Variants in DNM3 observed in about 807,000 individuals in gnomAD.
DNM3 encodes the protein dynamin 3.
A neutral mutation model predicts 101.6 loss-of-function variants in DNM3; 47 were observed. The observed-to-expected ratio is 0.46, with a 90% confidence interval of 0.37 to 0.59. The LOEUF is 0.59. Ranked by LOEUF, DNM3 falls within the 20% of genes least tolerant of loss-of-function variation. The pLI is 0.00. For synonymous variants in DNM3, 385 were observed against 387.9 expected (o/e 0.99, Z 0.09); for missense variants, 849 against 1,085.7 (o/e 0.78, Z 3.06).
chr1:172,227,930 C>G (rs2061195179), intron 14 of DNM3, among the ~76,000 whole-genome samples: 1 of 152,070 alleles, frequency 6.6e-6, no homozygotes, highest in Non-Finnish European at 1.5e-5. Flanking sequence ...TTGGTTATTA[C>G]TGAAGTTTAG....
At chr1:172,137,624 C>T (rs936586594) in intron 14 of DNM3, 8 of 152,118 alleles carry the variant, frequency 5.3e-5, no homozygotes, top group Non-Finnish European at 1.0e-4. Flanking sequence ...GTTAAGAATA[C>T]ATACATAAAG....
intron 2 of DNM3, among the ~76,000 whole-genome samples, chr1:171,928,594 A>G (rs543787363): frequency 6.6e-6 from 1 of 152,236 alleles, no homozygotes; most frequent in South Asian, 2.1e-4. Context: ...CCTTAGGTCA[A>G]CTGCAGCTTG....
chr1:172,199,638 A>G (rs1010454972), intron 14 of DNM3, among the ~76,000 whole-genome samples: 4 of 151,888 alleles, frequency 2.6e-5, no homozygotes, highest in African/African-American at 7.3e-5. Flanking sequence ...GTTGAATTGA[A>G]TCCTTCACCA....
intron 14 of DNM3, among the ~76,000 whole-genome samples, chr1:172,167,954 G>A (rs16843944): frequency 0.2 from 30,139 of 151,848 alleles, 4,381 homozygotes; most frequent in African/African-American, 0.41. Context: ...CTGCAAAGTG[G>A]AGATTAATTC....
Position 172,410,521 on chromosome 1 carries a change from A to T in DNM3, c.*2680A>T. 1 of 982,686 alleles carries T rather than the reference A, an allele frequency of 1.0e-6. No homozygotes were observed. The highest frequency in any genetic ancestry group is 1.2e-6 in the Non-Finnish European group (1 of 827,408). The allele number at this position is 982,686 out of a possible 1,614,324, so 60.9% of individuals were successfully genotyped here. On this transcript the variant is annotated 3_prime_UTR_variant, in exon 21 of 21. Transcript: ENST00000627582. ...AATATAGTTTTATTGTCACATGCTA[A>T]ATATTGCATGCATATTGACTAATTG...
chr1:172,044,724 C>T (rs889762554), intron 9 of DNM3, among the ~76,000 whole-genome samples: 3 of 152,162 alleles, frequency 2.0e-5, no homozygotes, highest in East Asian at 1.9e-4. Context: ...ACCCCATTCT[C>T]CAGAGCCTTC....
At chr1:171,852,883 T>TTTTG (rs147720795) in intron 1 of DNM3, among the ~76,000 whole-genome samples, 14,258 of 151,908 alleles carry the variant, frequency 0.094, 814 homozygotes, top group South Asian at 0.23. Flanking sequence ...TTTGAAGGTT[T>TTTTG]TTTGTTTGTT....
chr1:172,223,077 A>G (rs1462120993), intron 14 of DNM3, among the ~76,000 whole-genome samples: 3 of 152,160 alleles, frequency 2.0e-5, no homozygotes, highest in Admixed American at 1.3e-4. Flanking sequence ...ATTTCTTTAT[A>G]GTGGGTACAT....
chr1:172,283,985 TTC>T (rs2063599985), intron 15 of DNM3, among the ~76,000 whole-genome samples: 2 of 152,114 alleles, frequency 1.3e-5, no homozygotes. Context: ...ATAGGTTTTG[TTC>T]TGTGTTGCTA....
chr1:171,862,390 T>G (rs2034269138), intron 1 of DNM3, among the ~76,000 whole-genome samples: 1 of 152,128 alleles, frequency 6.6e-6, no homozygotes, highest in Non-Finnish European at 1.5e-5. Flanking sequence ...TTGAATACAA[T>G]GGAGTATTAT....
intron 1 of DNM3, among the ~76,000 whole-genome samples, chr1:171,889,000 G>T (rs1026962582): frequency 6.6e-6 from 1 of 152,138 alleles, no homozygotes; most frequent in Non-Finnish European, 1.5e-5. Flanking sequence ...TTTTGAGACA[G>T]GGCCTCTCTC....
intron 14 of DNM3, among the ~76,000 whole-genome samples, chr1:172,171,632 G>A (rs2058965303): frequency 6.6e-6 from 1 of 151,738 alleles, no homozygotes; most frequent in Non-Finnish European, 1.5e-5. Flanking sequence ...AGACCTCAGT[G>A]CCAGCTTCTC....
intron 4 of DNM3, among the ~76,000 whole-genome samples, chr1:171,990,989 T>C (rs968462746): frequency 1.3e-5 from 2 of 152,110 alleles, no homozygotes; most frequent in Non-Finnish European, 1.5e-5. Flanking sequence ...CCATAGGAGA[T>C]TGAGCCATGG....
At chr1:172,123,110 C>T (rs2056415907) in intron 13 of DNM3, among the ~76,000 whole-genome samples, 1 of 152,064 alleles carries the variant, frequency 6.6e-6, no homozygotes. Flanking sequence ...AGGTTAAAAC[C>T]AGGAAGTAAC....
At chr1:172,224,958 A>T (rs2061048534) in intron 14 of DNM3, among the ~76,000 whole-genome samples, 2 of 152,056 alleles carry the variant, frequency 1.3e-5, no homozygotes. Context: ...AAAACCAAGG[A>T]TCTGGTCTTC....
At chr1:172,278,799 G>C (rs1466011824) in intron 15 of DNM3, among the ~76,000 whole-genome samples, 1 of 152,112 alleles carries the variant, frequency 6.6e-6, no homozygotes, top group Non-Finnish European at 1.5e-5. Flanking sequence ...CCCAGCACAT[G>C]CTGACTAGAG....
chr1:172,392,764 CT>C lies in DNM3; in HGVS notation c.2522+3965del, dbSNP rs796312299. 5.4e-3 allele frequency among the ~76,000 whole-genome samples: 814 copies of C among 149,464 alleles called. 5 individuals are homozygous for C. Among genetic ancestry groups the C allele is most frequent in the African/African-American group, 0.015 (611 of 40,794 alleles). On this transcript the variant is annotated intron_variant, in intron 20 of 20. Coordinates refer to ENST00000627582, the MANE Select transcript of DNM3 (RefSeq NM_015569.5). ...GGGTCTCCAACCAAGCAAGAAGAAA[CT>C]TTTTTTTTTAACCTCATCACTCAAT...
At chr1:172,263,798 C>T (rs182392183) in intron 15 of DNM3, among the ~76,000 whole-genome samples, 3 of 152,252 alleles carry the variant, frequency 2.0e-5, no homozygotes, top group African/African-American at 7.2e-5. Context: ...ACAGCCAAAC[C>T]ATATCATACT....
intron 20 of DNM3, chr1:172,393,554 A>T (rs1029077185): frequency 1.3e-5 from 2 of 152,664 alleles, no homozygotes; most frequent in Non-Finnish European, 2.9e-5. Flanking sequence ...ATTCCCCTGC[A>T]GTCATGTACT....
Sources: gnomAD v4.1 joint callset for allele counts (sites outside exome capture counted in the v4.1 genomes callset) on GRCh38, gnomAD v4.1.1 for gene constraint, MANE v1.5 for transcripts, NCBI Gene and HGNC (gene_info 2026-07-23, HGNC 2026-07-21) for gene names.